The following GNAI1 variants were observed in gnomAD, a reference collection of about 807,000 sequenced individuals.
GNAI1 encodes the protein G protein subunit alpha i1.
A neutral mutation model predicts 38.9 loss-of-function variants in GNAI1; 11 were observed. The observed-to-expected ratio is 0.28, with a 90% CI of 0.18 to 0.47. GNAI1 has a LOEUF of 0.47. Ranked by LOEUF, GNAI1 falls within the 20% of genes least tolerant of loss-of-function variation. The pLI, the probability that GNAI1 is intolerant of heterozygous loss-of-function variation, is 0.99. For missense variants in GNAI1, 317 were observed against 436.9 expected (o/e 0.73, Z 2.45); for synonymous variants, 166 against 145.1 (o/e 1.14, Z -1.04).
intron 1 of GNAI1, among the ~76,000 whole-genome samples, chr7:80,182,152 G>A (rs927897013): frequency 1.3e-5 from 2 of 152,016 alleles, no homozygotes; most frequent in Admixed American, 1.3e-4. Context: ...ATTTGCCCAG[G>A]TTTATCCATA....
At position 80,195,119 on chromosome 7, in the gene GNAI1, A is replaced by G. The variant is rs144496156; in HGVS notation, c.304-4106A>G. 8.5e-3 allele frequency among the ~76,000 whole-genome samples: 1,295 copies of G among 152,012 alleles called. 15 individuals are homozygous for G. The highest frequency in any genetic ancestry group is 0.03 in the African/African-American group (1,230 of 41,516). On this transcript the variant is annotated intron_variant, in intron 3 of 7. Transcript: ENST00000649796. ...TCTGTATTGACAAGTTCTCTTGTCAATACCAGGAACACTTAAATGTCAATA... is the reference window on the plus strand; with the variant it reads ...TCTGTATTGACAAGTTCTCTTGTCAGTACCAGGAACACTTAAATGTCAATA...
chr7:80,223,064 A>G lies in GNAI1; in HGVS notation c.*5571A>G, dbSNP rs1789106681. Among the ~76,000 whole-genome samples, 1 of 152,180 alleles carries G rather than the reference A, an allele frequency of 6.6e-6. No homozygotes were observed. The highest frequency in any genetic ancestry group is 2.4e-5 in the African/African-American group (1 of 41,438). On this transcript the variant is annotated 3_prime_UTR_variant, in exon 8 of 8. Coordinates refer to ENST00000649796, the MANE Select transcript of GNAI1 (RefSeq NM_002069.6). ...TGAAAATGAAAAACAGATTGATTGC[A>G]TGGGTACTTGAAATATGGTTTCTAA...
intron 3 of GNAI1, among the ~76,000 whole-genome samples, chr7:80,192,990 C>T (rs1174622394): frequency 2.0e-5 from 3 of 146,978 alleles, no homozygotes; most frequent in Non-Finnish European, 4.5e-5. Context: ...TGAGGCACCG[C>T]ACCCGGCCTT....
chr7:80,151,747 T>C (rs1361544454), intron 1 of GNAI1, among the ~76,000 whole-genome samples: 1 of 152,214 alleles, frequency 6.6e-6, no homozygotes, highest in Non-Finnish European at 1.5e-5. Context: ...TTAATAAATA[T>C]TACCTATTGT....
intron 3 of GNAI1, among the ~76,000 whole-genome samples, chr7:80,195,328 T>A (rs773728635): frequency 8.6e-5 from 13 of 152,016 alleles, no homozygotes; most frequent in Non-Finnish European, 2.9e-5. Flanking sequence ...AATTAACTTT[T>A]TATTTTAGGC....
At chr7:80,173,272 A>T (rs1368901301) in intron 1 of GNAI1, among the ~76,000 whole-genome samples, 1 of 152,190 alleles carries the variant, frequency 6.6e-6, no homozygotes. Flanking sequence ...TGTCTTTTAT[A>T]TCTTGTCTAA....
intron 1 of GNAI1, among the ~76,000 whole-genome samples, chr7:80,166,395 CAGAG>C (rs1562829511): frequency 6.6e-6 from 1 of 151,952 alleles, no homozygotes; most frequent in Admixed American, 6.6e-5. Flanking sequence ...TTTAAAAAAA[CAGAG>C]GGGGTTACTA....
chr7:80,196,164 T>A (rs1464862106), intron 3 of GNAI1, among the ~76,000 whole-genome samples: 3 of 152,060 alleles, frequency 2.0e-5, no homozygotes, highest in Non-Finnish European at 2.9e-5. Flanking sequence ...AGCTCCTTTC[T>A]GAGTTCTCAG....
chr7:80,155,730 G>GA (rs530418407), intron 1 of GNAI1, among the ~76,000 whole-genome samples: 9,283 of 144,918 alleles, frequency 0.064, 376 homozygotes, highest in Non-Finnish European at 0.091. Flanking sequence ...AGATGTTTAA[G>GA]AAAAAAAAAA....
intron 1 of GNAI1, among the ~76,000 whole-genome samples, chr7:80,160,182 T>C (rs1787897177): frequency 6.8e-6 from 1 of 146,576 alleles, no homozygotes; most frequent in Admixed American, 6.9e-5. Flanking sequence ...GCCTCTCCTC[T>C]AAGTTAGGTT....
In GNAI1 at chr7:80,223,152, C is replaced by T. The variant is rs1313822262; in HGVS notation, c.*5659C>T. Among the ~76,000 whole-genome samples the T allele has an allele frequency of 2.0e-5, 3 of 152,172 alleles. No homozygotes were observed. The highest frequency in any genetic ancestry group is 4.8e-5 in the African/African-American group (2 of 41,454). On this transcript the variant is annotated 3_prime_UTR_variant, in exon 8 of 8. Coordinates refer to ENST00000649796, the MANE Select transcript of GNAI1 (RefSeq NM_002069.6). ...AAAATTGTTAAGTTGGACCATCATA[C>T]GTTGGGGACCATCTGTACATAGAGT... is the stretch of plus-strand genomic sequence containing the variant.
At chr7:80,152,863 A>G (rs979448403) in intron 1 of GNAI1, among the ~76,000 whole-genome samples, 5 of 151,726 alleles carry the variant, frequency 3.3e-5, no homozygotes, top group Non-Finnish European at 5.9e-5. Flanking sequence ...GAGCCACTGC[A>G]CCCGGCCAGA....
At chr7:80,159,076 T>C (rs1318162099) in intron 1 of GNAI1, among the ~76,000 whole-genome samples, 1 of 152,174 alleles carries the variant, frequency 6.6e-6, no homozygotes, top group Admixed American at 6.5e-5. Context: ...GAAGAGTTGC[T>C]TGTGATGTTC....
chr7:80,138,271 A>G (rs1787461543), intron 1 of GNAI1, among the ~76,000 whole-genome samples: 1 of 152,200 alleles, frequency 6.6e-6, no homozygotes, highest in South Asian at 2.1e-4. Context: ...TGAGACTTGC[A>G]CACTATTAGT....
intron 1 of GNAI1, among the ~76,000 whole-genome samples, chr7:80,167,333 A>C (rs1365936992): frequency 6.6e-6 from 1 of 152,236 alleles, no homozygotes; most frequent in Non-Finnish European, 1.5e-5. Flanking sequence ...GTATGCAGTT[A>C]GGTTCACTTT....
chr7:80,160,227 G>C (rs1440479831), intron 1 of GNAI1, among the ~76,000 whole-genome samples: 1 of 150,404 alleles, frequency 6.6e-6, no homozygotes, highest in Non-Finnish European at 1.5e-5. Flanking sequence ...TAATGCAGCA[G>C]TCAGAAGACT....
At chr7:80,159,360 C>T (rs1484995568) in intron 1 of GNAI1, among the ~76,000 whole-genome samples, 1 of 151,976 alleles carries the variant, frequency 6.6e-6, no homozygotes, top group Non-Finnish European at 1.5e-5. Flanking sequence ...ACCCTGTAGC[C>T]CCACCTTGAG....
In GNAI1 at chr7:80,226,019, A is replaced by G. The variant is rs1789152101; in HGVS notation, c.*8526A>G. Among the ~76,000 whole-genome samples, 1 of 152,196 alleles carries G rather than the reference A, an allele frequency of 6.6e-6. No individual in the cohort carries two copies. On this transcript the variant is annotated 3_prime_UTR_variant, in exon 8 of 8. Transcript: ENST00000649796. Reference sequence around the variant, plus strand: ...GAAATTGTCCAGACACATATTTTAGAAAAGTATGTTATTTTTGTTTTAAGT... The same window carrying G: ...GAAATTGTCCAGACACATATTTTAGGAAAGTATGTTATTTTTGTTTTAAGT...
chr7:80,147,603 A>T (rs1163530883), intron 1 of GNAI1, among the ~76,000 whole-genome samples: 2 of 152,174 alleles, frequency 1.3e-5, no homozygotes, highest in African/African-American at 4.8e-5. Context: ...TTAAGTTTAC[A>T]GTCATTGGAC....
Sources: allele counts gnomAD v4.1 joint callset (sites outside exome capture counted in the v4.1 genomes callset), GRCh38; gene constraint gnomAD v4.1.1; transcripts MANE v1.5; gene names NCBI Gene and HGNC (gene_info 2026-07-23, HGNC 2026-07-21).